Variants in ROBO2 observed in about 807,000 individuals in gnomAD.
The protein encoded by ROBO2 is roundabout guidance receptor 2.
In ROBO2, 53 loss-of-function variants were observed where a neutral mutation model predicts 160.8. That is an observed-to-expected ratio of 0.33 (90% CI 0.26 to 0.41). The LOEUF (loss-of-function observed/expected upper bound fraction) is 0.41, where lower values mean the gene tolerates loss of function less well. Among genes scored for constraint, ROBO2 ranks in the 10% least tolerant of loss-of-function variants. The probability of loss-of-function intolerance (pLI) is 1.00; values close to 1 mark genes in which losing one functional copy is unlikely to be tolerated. For missense variants in ROBO2, 1,577 were observed against 1,722.4 expected (o/e 0.92, Z 1.49); for synonymous variants, 664 against 611.7 (o/e 1.09, Z -1.26).
intron 2 of ROBO2, among the ~76,000 whole-genome samples, chr3:76,433,064 A>G (rs1220822000): frequency 6.6e-6 from 1 of 152,160 alleles, no homozygotes; most frequent in African/African-American, 2.4e-5. Flanking sequence ...CAAAGTGCCA[A>G]TCTTTTTTCC....
chr3:77,631,947 T>C (rs2095172179), intron 23 of ROBO2: 1 of 152,184 alleles, frequency 6.6e-6, no homozygotes, highest in Non-Finnish European at 1.5e-5. Context: ...ATACATTTTT[T>C]GTTTGTGAAT....
intron 2 of ROBO2, among the ~76,000 whole-genome samples, chr3:76,234,627 A>G (rs1184437911): frequency 2.6e-5 from 4 of 152,094 alleles, no homozygotes; most frequent in Non-Finnish European, 2.9e-5. Context: ...TATTTATTTA[A>G]TTACCGATGG....
intron 1 of ROBO2, among the ~76,000 whole-genome samples, chr3:77,067,028 T>TCACA (rs144228628): frequency 0.19 from 26,637 of 136,746 alleles, 2,845 homozygotes; most frequent in East Asian, 0.5. Context: ...ACACACACAC[T>TCACA]CACACACACA....
intron 2 of ROBO2, among the ~76,000 whole-genome samples, chr3:76,238,174 C>G (rs1705063812): frequency 6.6e-6 from 1 of 152,142 alleles, no homozygotes; most frequent in African/African-American, 2.4e-5. Context: ...TGGAATCTGA[C>G]TGTGTTAGTC....
intron 2 of ROBO2, among the ~76,000 whole-genome samples, chr3:76,556,046 G>C (rs1369550421): frequency 1.3e-5 from 2 of 152,220 alleles, no homozygotes; most frequent in East Asian, 3.9e-4. Flanking sequence ...GTTGCAGTGA[G>C]CTAAGATCAT....
At chr3:76,100,786 A>G (rs1378592711) in intron 2 of ROBO2, among the ~76,000 whole-genome samples, 1 of 152,132 alleles carries the variant, frequency 6.6e-6, no homozygotes, top group Non-Finnish European at 1.5e-5. Context: ...TGGTAACTCT[A>G]TCTCAGTAAG....
chr3:76,511,382 C>A (rs1020505161), intron 2 of ROBO2, among the ~76,000 whole-genome samples: 1 of 152,108 alleles, frequency 6.6e-6, no homozygotes, highest in Non-Finnish European at 1.5e-5. Flanking sequence ...TTGTGCTCAC[C>A]GCAGCGACTG....
intron 2 of ROBO2, among the ~76,000 whole-genome samples, chr3:77,249,442 T>C (rs1489296542): frequency 6.6e-6 from 1 of 152,192 alleles, no homozygotes; most frequent in East Asian, 1.9e-4. Context: ...ACAAAGTTTC[T>C]GTAGGAATTT....
intron 2 of ROBO2, among the ~76,000 whole-genome samples, chr3:76,935,142 G>C (rs1467645586): frequency 6.6e-6 from 1 of 151,654 alleles, no homozygotes; most frequent in African/African-American, 2.4e-5. Flanking sequence ...TAGTAGAGAT[G>C]GTGTTTCTCC....
intron 1 of ROBO2, among the ~76,000 whole-genome samples, chr3:77,083,632 G>A (rs1216633852): frequency 1.3e-5 from 2 of 152,082 alleles, no homozygotes; most frequent in Non-Finnish European, 2.9e-5. Flanking sequence ...GGAAATGAGA[G>A]GCAGTCAGTT....
intron 2 of ROBO2, among the ~76,000 whole-genome samples, chr3:76,902,021 T>C (rs1286323230): frequency 6.6e-6 from 1 of 152,074 alleles, no homozygotes; most frequent in African/African-American, 2.4e-5. Context: ...AATTTTTTAC[T>C]GTTTTATAAA....
chr3:76,252,576 A>T (rs1374523292), intron 2 of ROBO2, among the ~76,000 whole-genome samples: 1 of 152,032 alleles, frequency 6.6e-6, no homozygotes, highest in African/African-American at 2.4e-5. Context: ...ACACACATAT[A>T]TATGGCTGTG....
intron 2 of ROBO2, among the ~76,000 whole-genome samples, chr3:76,252,700 A>ATG (rs1454202654): frequency 6.6e-6 from 1 of 151,930 alleles, no homozygotes; most frequent in Non-Finnish European, 1.5e-5. Flanking sequence ...CTATACAAAT[A>ATG]TGTGTATATA....
At chr3:76,996,367 G>A (rs2061006308) in intron 2 of ROBO2, among the ~76,000 whole-genome samples, 1 of 152,156 alleles carries the variant, frequency 6.6e-6, no homozygotes, top group African/African-American at 2.4e-5. Context: ...TTGTAGTATT[G>A]TTTGAAGTCA....
intron 1 of ROBO2, among the ~76,000 whole-genome samples, chr3:77,071,940 T>G (rs142675154): frequency 0.018 from 2,714 of 152,202 alleles, 69 homozygotes; most frequent in African/African-American, 0.062. Flanking sequence ...CTCCAACCCC[T>G]GGGCCCCGGA....
In ROBO2 at chr3:76,559,156, A is replaced by G. The variant is rs184600254; in HGVS notation, c.110-538858A>G. 1.4e-4 allele frequency among the ~76,000 whole-genome samples: 21 copies of G among 152,232 alleles called. 1 individual carries two copies. In the East Asian group the frequency reaches 2.5e-3, roughly 18 times the overall value. Reference sequence around the variant, plus strand: ...ATATAAGGCACAGGCACATAAAGATACCACACATTTTTGTTCAGTTTTGCT... The same window carrying G: ...ATATAAGGCACAGGCACATAAAGATGCCACACATTTTTGTTCAGTTTTGCT... On this transcript the variant is annotated intron_variant, in intron 2 of 26. Transcript: ENST00000487694.
rs187843031 is a variant in ROBO2 at position 77,609,699 on chromosome 3, G to A, written c.3293+1745G>A. On this transcript the variant is annotated intron_variant, in intron 21 of 25. Coordinates refer to ENST00000461745, the Ensembl canonical transcript of ROBO2. ...AAATATTCATGAAATAGTAGATGGT[G>A]CAAATTTTTATTATTTAACACAAAT... 2.8e-3 allele frequency among the ~76,000 whole-genome samples: 429 copies of A among 150,980 alleles called. 1 individual carries two copies. The highest frequency in any genetic ancestry group is 9.7e-3 in the African/African-American group (401 of 41,246).
At chr3:76,640,995 A>T (rs926074373) in intron 2 of ROBO2, among the ~76,000 whole-genome samples, 1 of 152,248 alleles carries the variant, frequency 6.6e-6, no homozygotes, top group Non-Finnish European at 1.5e-5. Context: ...AGCTGAATAA[A>T]TATGTAAATG....
At chr3:76,083,377 T>G (rs1453871237) in intron 2 of ROBO2, among the ~76,000 whole-genome samples, 2 of 152,108 alleles carry the variant, frequency 1.3e-5, no homozygotes, top group African/African-American at 4.8e-5. Context: ...AAATGAGAGT[T>G]AAGGTTGACA....
Sources: allele counts gnomAD v4.1 joint callset (sites outside exome capture counted in the v4.1 genomes callset), GRCh38; gene constraint gnomAD v4.1.1; transcripts MANE v1.5; gene names NCBI Gene and HGNC (gene_info 2026-07-23, HGNC 2026-07-21).